C10orf90: variants seen among roughly 807,000 people sequenced by gnomAD.
C10orf90 encodes (E2-independent) E3 ubiquitin-conjugating enzyme FATS.
C10orf90 carries 56 observed loss-of-function variants against 62.5 expected under a neutral mutation model. That is an observed-to-expected ratio of 0.90 (90% CI 0.72 to 1.12). C10orf90 has a LOEUF of 1.12. Among genes scored for constraint, C10orf90 ranks in the 50% most tolerant of loss-of-function variants. C10orf90 has a pLI of 0.00. For missense variants in C10orf90, 970 were observed against 880.4 expected (o/e 1.10, Z -1.29); for synonymous variants, 386 against 340.4 (o/e 1.13, Z -1.47).
intron 1 of C10orf90, among the ~76,000 whole-genome samples, chr10:126,656,929 T>C (rs779003769): frequency 6.6e-6 from 1 of 152,212 alleles, no homozygotes; most frequent in African/African-American, 2.4e-5. Flanking sequence ...AACATACAAC[T>C]AGTTCGGGAA....
At chr10:126,596,224 G>A (rs944337476) in intron 2 of C10orf90, among the ~76,000 whole-genome samples, 1 of 151,258 alleles carries the variant, frequency 6.6e-6, no homozygotes, top group Non-Finnish European at 1.5e-5. Flanking sequence ...GAGCTCTTGA[G>A]CCCTGGAGGT....
At chr10:126,478,228 A>C (rs1860997550) in intron 4 of C10orf90, among the ~76,000 whole-genome samples, 1 of 152,222 alleles carries the variant, frequency 6.6e-6, no homozygotes, top group Admixed American at 6.5e-5. Flanking sequence ...TCCTTGAATA[A>C]ATAACTGGGA....
intron 7 of C10orf90, among the ~76,000 whole-genome samples, chr10:126,435,154 A>G (rs1024877844): frequency 6.6e-6 from 1 of 152,208 alleles, no homozygotes; most frequent in African/African-American, 2.4e-5. Context: ...AGTTGTTGGT[A>G]TTGATATGAA....
At chr10:126,457,775 C>T (rs1321600482) in intron 7 of C10orf90, among the ~76,000 whole-genome samples, 2 of 152,172 alleles carry the variant, frequency 1.3e-5, no homozygotes, top group Non-Finnish European at 2.9e-5. Flanking sequence ...TTGGTCCTCA[C>T]AGCAACTTGA....
intron 2 of C10orf90, among the ~76,000 whole-genome samples, chr10:126,606,827 A>C (rs1240754869): frequency 6.6e-6 from 1 of 152,126 alleles, no homozygotes; most frequent in East Asian, 1.9e-4. Context: ...GCATTGCTGG[A>C]CCTGAACATA....
chr10:126,544,067 T>C (rs1864436307), intron 2 of C10orf90, among the ~76,000 whole-genome samples: 1 of 152,236 alleles, frequency 6.6e-6, no homozygotes, highest in Non-Finnish European at 1.5e-5. Flanking sequence ...TTCTCATTTT[T>C]AAAGAAAAAC....
At chr10:126,613,054 T>G (rs1344941155) in intron 2 of C10orf90, among the ~76,000 whole-genome samples, 1 of 152,172 alleles carries the variant, frequency 6.6e-6, no homozygotes, top group Non-Finnish European at 1.5e-5. Flanking sequence ...ATTATTAATA[T>G]TCAAGCAGTA....
chr10:126,511,152 T>C (rs1360316512), intron 3 of C10orf90, among the ~76,000 whole-genome samples: 3 of 152,236 alleles, frequency 2.0e-5, no homozygotes, highest in Non-Finnish European at 2.9e-5. Context: ...TCATCTCGAA[T>C]GGAAGCGCAT....
At position 126,631,224 on chromosome 10, in the gene C10orf90, C is replaced by T. The variant is rs75964407; in HGVS notation, c.313+15341G>A. Among the ~76,000 whole-genome samples, 225 of 152,266 alleles carry T rather than the reference C, an allele frequency of 1.5e-3. 4 individuals carry two copies. The East Asian group carries it at 0.036, about 24-fold the overall frequency. ...CTTCTCCTGCACCAAACAGAAAACTCGCCACTGTTACCTCAGCCCTCCTCC... is the reference window on the plus strand; with the variant it reads ...CTTCTCCTGCACCAAACAGAAAACTTGCCACTGTTACCTCAGCCCTCCTCC... On this transcript the variant is annotated intron_variant, in intron 2 of 9. Transcript: ENST00000488181.
chr10:126,602,014 G>A lies in C10orf90; in HGVS notation c.313+44551C>T, dbSNP rs1440397684. ...CCTACGTTAGGAAAAGCAGGGGATG[G>A]TCCAACAGCCATCTTTCACGTTGCT... On this transcript the variant is annotated intron_variant, in intron 2 of 9. Transcript: ENST00000488181. 2.0e-5 allele frequency among the ~76,000 whole-genome samples: 3 copies of A among 152,244 alleles called. No homozygotes were observed. The East Asian group carries it at 5.8e-4, about 29-fold the overall frequency.
intron 7 of C10orf90, among the ~76,000 whole-genome samples, chr10:126,432,938 G>A (rs1463059438): frequency 6.6e-6 from 1 of 152,194 alleles, no homozygotes; most frequent in African/African-American, 2.4e-5. Context: ...AGAGCCATGT[G>A]GAGTTTTAAA....
chr10:126,546,589 C>G (rs1208280950), intron 2 of C10orf90, among the ~76,000 whole-genome samples: 1 of 152,142 alleles, frequency 6.6e-6, no homozygotes, highest in East Asian at 1.9e-4. Flanking sequence ...TCCCCCCACC[C>G]AGGGAGATGT....
chr10:126,498,489 G>C (rs1282567295), intron 4 of C10orf90, among the ~76,000 whole-genome samples: 1 of 152,172 alleles, frequency 6.6e-6, no homozygotes, highest in African/African-American at 2.4e-5. Context: ...CCTGCCCCAG[G>C]TCTAGCCTAG....
chr10:126,565,396 TATATTATATATA>T (rs1193807529), intron 2 of C10orf90, among the ~76,000 whole-genome samples: 3 of 68,618 alleles, frequency 4.4e-5, no homozygotes, highest in Admixed American at 2.6e-4. Context: ...TTATATATAT[TATATTATATATA>T]ATATATATTA....
intron 2 of C10orf90, among the ~76,000 whole-genome samples, chr10:126,565,255 T>TGTAA (rs1844336809): frequency 5.5e-5 from 1 of 18,072 alleles, no homozygotes; most frequent in African/African-American, 3.3e-4. Context: ...ATTTATTATA[T>TGTAA]TATATATTTA....
chr10:126,627,963 G>A lies in C10orf90; in HGVS notation c.313+18602C>T, dbSNP rs72839080. Among the ~76,000 whole-genome samples the A allele has an allele frequency of 4.6e-3, 704 of 152,286 alleles. 3 individuals are homozygous for A. The highest frequency in any genetic ancestry group is 7.0e-3 in the Non-Finnish European group (479 of 68,022). On this transcript the variant is annotated intron_variant, in intron 2 of 9. Coordinates refer to ENST00000488181, the MANE Select transcript of C10orf90 (RefSeq NM_001350921.2). Reference sequence around the variant, plus strand: ...TCAAAATGCTGGGCCAGTTTTCTCCGAATATGAGAAAACTTGCTTGTTCTT... The same window carrying A: ...TCAAAATGCTGGGCCAGTTTTCTCCAAATATGAGAAAACTTGCTTGTTCTT...
At chr10:126,629,964 C>A (rs1845820480) in intron 2 of C10orf90, among the ~76,000 whole-genome samples, 1 of 152,214 alleles carries the variant, frequency 6.6e-6, no homozygotes. Flanking sequence ...CATTCACCAA[C>A]TTCTCTTTTA....
intron 2 of C10orf90, among the ~76,000 whole-genome samples, chr10:126,572,415 A>G (rs1844526029): frequency 6.6e-6 from 1 of 152,184 alleles, no homozygotes; most frequent in African/African-American, 2.4e-5. Context: ...TACTCCATAG[A>G]CAGAGCAGCC....
intron 2 of C10orf90, among the ~76,000 whole-genome samples, chr10:126,576,713 A>ATG (rs1564879124): frequency 0.011 from 371 of 32,900 alleles, 33 homozygotes; most frequent in African/African-American, 0.041. Context: ...ATGTATATAT[A>ATG]TACAAGATAT....
Sources: gnomAD v4.1 joint callset for allele counts (sites outside exome capture counted in the v4.1 genomes callset) on GRCh38, gnomAD v4.1.1 for gene constraint, MANE v1.5 for transcripts, NCBI Gene and HGNC (gene_info 2026-07-23, HGNC 2026-07-21) for gene names.